SLC31A2: variants seen among roughly 807,000 people sequenced by gnomAD.
The protein encoded by SLC31A2 is protein SLC31A2.
SLC31A2 carries 16 observed loss-of-function variants against 14.4 expected under a neutral mutation model. The ratio of observed to expected loss-of-function variants is 1.11; its 90% CI spans 0.75 to 1.69. SLC31A2 has a LOEUF of 1.69. SLC31A2 is among the 40% of genes most tolerant of loss of function. The pLI, the probability that SLC31A2 is intolerant of heterozygous loss-of-function variation, is 0.00. For missense variants in SLC31A2, 140 were observed against 173.9 expected (o/e 0.81, Z 1.10); for synonymous variants, 56 against 68.7 (o/e 0.82, Z 0.91).
chr9:113,155,379 G>A (rs1032742034), intron 1 of SLC31A2, among the ~76,000 whole-genome samples: 3 of 152,248 alleles, frequency 2.0e-5, no homozygotes, highest in Non-Finnish European at 2.9e-5. Context: ...GTCTGCCTTA[G>A]TAGTCTCATC....
Position 113,158,154 on chromosome 9 carries a change from C to T in SLC31A2, c.73+361C>T, listed in dbSNP as rs938820009. ...GGCCTCCGGGTGTCACCTGGCACCTCCCTTATCCAGGGCTCATTGTTCTGC... is the reference window on the plus strand; with the variant it reads ...GGCCTCCGGGTGTCACCTGGCACCTTCCTTATCCAGGGCTCATTGTTCTGC... On this transcript the variant is annotated intron_variant, in intron 2 of 3. Coordinates refer to ENST00000259392, the MANE Select transcript of SLC31A2 (RefSeq NM_001860.3). The T allele has an allele frequency of 2.7e-5, 13 of 478,196 alleles. No homozygotes were observed. In the Admixed American group the frequency reaches 2.8e-4, roughly 10 times the overall value. 29.6% of individuals were successfully genotyped at this position (478,196 alleles called of 1,614,324 possible).
chr9:113,161,855 A>G (rs1055942339), intron 3 of SLC31A2, 157 bp downstream of exon 3: 3 of 784,556 alleles, frequency 3.8e-6, no homozygotes, highest in South Asian at 1.5e-5. Context: ...CAAGTGAACT[A>G]GAGCTCATGT....
At chr9:113,156,181 T>C in intron 1 of SLC31A2, 1 of 515,928 alleles carries the variant, frequency 1.9e-6, no homozygotes, top group Middle Eastern at 5.7e-4. Context: ...CTGTAAGAAC[T>C]GATGGCCCCC....
intron 1 of SLC31A2, among the ~76,000 whole-genome samples, chr9:113,155,614 A>C (rs1829923211): frequency 6.6e-6 from 1 of 152,202 alleles, no homozygotes; most frequent in Non-Finnish European, 1.5e-5. Context: ...TTCTGGGTAC[A>C]GGCTTCTGGC....
chr9:113,157,703 GAT>G, intron 1 of SLC31A2, 22 bp from the exon 2 acceptor site: 2 of 1,598,678 alleles, frequency 1.3e-6, no homozygotes, highest in Non-Finnish European at 1.7e-6. Context: ...GTGCCCCTAT[GAT>G]GCAGATTCCT....
intron 1 of SLC31A2, among the ~76,000 whole-genome samples, chr9:113,153,119 G>GTGT (rs768351498): frequency 2.1e-5 from 3 of 142,768 alleles, no homozygotes; most frequent in African/African-American, 5.2e-5. Flanking sequence ...GTGTCAAAAT[G>GTGT]TTTTTTTTTT....
Position 113,162,988 on chromosome 9 carries a change from A to T in SLC31A2, c.*71A>T. On this transcript the variant is annotated 3_prime_UTR_variant, in exon 4 of 4. Coordinates refer to ENST00000259392, the MANE Select transcript of SLC31A2 (RefSeq NM_001860.3). ...CCCTCTTCCAGACACTATACTTCCA[A>T]CTGCCCTTTCTTCTGATGGCTATTC... is the stretch of plus-strand genomic sequence containing the variant. 7.4e-7 allele frequency: 1 copy of T among 1,356,162 alleles called. No individual in the cohort carries two copies. Among genetic ancestry groups the T allele is most frequent in the Non-Finnish European group, 9.8e-7 (1 of 1,017,664 alleles). The allele number at this position is 1,356,162 out of a possible 1,614,324, so 84.0% of individuals were successfully genotyped here.
chr9:113,154,137 C>T (rs1255766804), intron 1 of SLC31A2, among the ~76,000 whole-genome samples: 4 of 152,198 alleles, frequency 2.6e-5, no homozygotes, highest in African/African-American at 9.7e-5. Flanking sequence ...CCACACCCAA[C>T]TAATTTTTGT....
intron 2 of SLC31A2, chr9:113,160,930 ACTT>A (rs1201828389): frequency 6.6e-5 from 10 of 152,470 alleles, no homozygotes; most frequent in African/African-American, 2.4e-4. Context: ...TAGCTGGACC[ACTT>A]ATTATCCCTC....
intron 1 of SLC31A2, among the ~76,000 whole-genome samples, chr9:113,153,119 G>T (rs904841277): frequency 9.8e-5 from 14 of 142,808 alleles, no homozygotes; most frequent in South Asian, 2.2e-4. Flanking sequence ...GTGTCAAAAT[G>T]TTTTTTTTTT....
At position 113,163,876 on chromosome 9, in the gene SLC31A2, G is replaced by A. The variant is rs1353335249; in HGVS notation, c.*959G>A. 1.3e-5 allele frequency: 2 copies of A among 150,814 alleles called. No homozygotes were observed. Among genetic ancestry groups the A allele is most frequent in the African/African-American group, 2.5e-5 (1 of 40,692 alleles). The allele number at this position is 150,814 out of a possible 1,614,324, so 9.3% of individuals were successfully genotyped here. A position where few individuals can be genotyped will look rare whatever the true frequency, so the allele number is the denominator to read the frequency against. ...TACTGCTTACTCGTAATGATCTAGT[G>A]GGGAAACATGATTCATTCACTTAAA... is the stretch of plus-strand genomic sequence containing the variant. On this transcript the variant is annotated 3_prime_UTR_variant, in exon 4 of 4. Transcript: ENST00000259392.
intron 1 of SLC31A2, among the ~76,000 whole-genome samples, chr9:113,155,284 T>C (rs1829919641): frequency 6.6e-6 from 1 of 152,194 alleles, no homozygotes; most frequent in African/African-American, 2.4e-5. Flanking sequence ...AGAAGCTGCA[T>C]TGAGAGCAGT....
At chr9:113,158,106 C>A (rs1472766407) in intron 2 of SLC31A2, 1 of 499,762 alleles carries the variant, frequency 2.0e-6, no homozygotes, top group African/African-American at 2.0e-5. Context: ...AGTAAGTACG[C>A]ATCAGAGCCA....
intron 3 of SLC31A2, 128 bp downstream of exon 3, chr9:113,161,826 C>A: frequency 1.9e-6 from 2 of 1,035,356 alleles, no homozygotes; most frequent in African/African-American, 1.6e-5. Context: ...CAGGACTTGC[C>A]AAAGTGGCTA....
At chr9:113,153,163 G>C (rs1829890011) in intron 1 of SLC31A2, among the ~76,000 whole-genome samples, 1 of 149,558 alleles carries the variant, frequency 6.7e-6, no homozygotes, top group African/African-American at 2.5e-5. Context: ...TCTCTGAGTA[G>C]TAAGACTCAA....
chr9:113,158,220 C>T (rs1829958999), intron 2 of SLC31A2: 2 of 348,080 alleles, frequency 5.7e-6, no homozygotes, highest in Non-Finnish European at 1.2e-5. Flanking sequence ...AGATGAGACA[C>T]CAATTTGAAA....
chr9:113,151,372 G>A lies in SLC31A2; in HGVS notation c.6+292G>A, dbSNP rs1829861968. ...TGAGAGTGGGGGCGCGGTGGCTGAA[G>A]ACAGCTGGGTCCGGGGCCCCCGGCC... On this transcript the variant is annotated intron_variant, in intron 1 of 3. Coordinates refer to ENST00000259392, the MANE Select transcript of SLC31A2 (RefSeq NM_001860.3). The surrounding 1 kb of genome is among the most constrained non-coding windows in gnomAD (Gnocchi z 4.2). Among the ~76,000 whole-genome samples, 1 of 151,974 alleles carries A rather than the reference G, an allele frequency of 6.6e-6. No individual in the cohort carries two copies. The highest frequency in any genetic ancestry group is 2.4e-5 in the African/African-American group (1 of 41,412).
intron 2 of SLC31A2, among the ~76,000 whole-genome samples, chr9:113,158,925 G>A (rs933238280): frequency 4.6e-5 from 7 of 152,192 alleles, no homozygotes; most frequent in Admixed American, 2.6e-4. Context: ...TTTGGAAAAT[G>A]TAATCTATCA....
rs1465059405 is a variant in SLC31A2, at chr9:113,162,950, G to A, written c.*33G>A. 2 of 1,546,104 alleles carry A rather than the reference G, an allele frequency of 1.3e-6. No homozygotes were observed. Among genetic ancestry groups the A allele is most frequent in the East Asian group, 2.4e-5 (1 of 41,488 alleles). Reference sequence around the variant, plus strand: ...GGAACGTGCAGGCACTGAGGCTGGAGGGACATGGAGCCCCCTCTTCCAGAC... The same window carrying A: ...GGAACGTGCAGGCACTGAGGCTGGAAGGACATGGAGCCCCCTCTTCCAGAC... On this transcript the variant is annotated 3_prime_UTR_variant, in exon 4 of 4. Transcript: ENST00000259392.
Sources: gnomAD v4.1 joint callset for allele counts (sites outside exome capture counted in the v4.1 genomes callset) on GRCh38, gnomAD v4.1.1 for gene constraint, Gnocchi (gnomAD v3.1) non-coding constraint, MANE v1.5 for transcripts, NCBI Gene and HGNC (gene_info 2026-07-23, HGNC 2026-07-21) for gene names.